Variants in RPS6KC1 observed in about 807,000 individuals in gnomAD.
RPS6KC1 encodes the protein inactive ribosomal protein S6 kinase delta-1.
In RPS6KC1, 54 loss-of-function variants were observed where a neutral mutation model predicts 103.8. That is an observed-to-expected ratio of 0.52 (90% confidence interval 0.42 to 0.65). The LOEUF (loss-of-function observed/expected upper bound fraction) is 0.65. RPS6KC1 is among the 30% of genes least tolerant of loss of function. The pLI is 0.00. For missense variants in RPS6KC1, 1,151 were observed against 1,253.8 expected (o/e 0.92, Z 1.24); for synonymous variants, 439 against 438.7 (o/e 1.00, Z -0.01).
At chr1:213,233,649 C>T (rs1297010793) in intron 10 of RPS6KC1, among the ~76,000 whole-genome samples, 3 of 152,132 alleles carry the variant, frequency 2.0e-5, no homozygotes, top group Non-Finnish European at 4.4e-5. Flanking sequence ...CTACCATCTT[C>T]TCACCATCCC....
At chr1:213,621,257 TCAGAAACA>T in the RPS6KC1 span, among the ~76,000 whole-genome samples, 1 of 152,130 alleles carries the variant, frequency 6.6e-6, no homozygotes, top group Admixed American at 6.6e-5. Context: ...GTCAGAAATG[TCAGAAACA>T]CGCGTAGAAG....
the RPS6KC1 span, among the ~76,000 whole-genome samples, chr1:213,492,807 C>G: frequency 2.0e-5 from 3 of 152,326 alleles, no homozygotes; most frequent in East Asian, 1.9e-4. Context: ...CCTTGGAATG[C>G]TGTGTGGGAA....
intron 6 of RPS6KC1, among the ~76,000 whole-genome samples, chr1:213,167,489 C>CACACACACGCACACAA (rs141541042): frequency 7.9e-6 from 1 of 126,180 alleles, no homozygotes; most frequent in Admixed American, 7.6e-5. Context: ...CACACACACA[C>CACACACACGCACACAA]AACAGCTGTT....
intron 12 of RPS6KC1, among the ~76,000 whole-genome samples, chr1:213,258,130 C>T (rs903883696): frequency 1.4e-4 from 21 of 152,124 alleles, no homozygotes; most frequent in African/African-American, 3.4e-4. Flanking sequence ...TACAGATGCG[C>T]GCCACTACGC....
At chr1:213,311,620 T>C in the RPS6KC1 span, among the ~76,000 whole-genome samples, 4 of 152,008 alleles carry the variant, frequency 2.6e-5, no homozygotes, top group Admixed American at 2.0e-4. Flanking sequence ...GGTGTCTACA[T>C]GTTGGGGGTG....
chr1:213,715,697 G>T, the RPS6KC1 span, among the ~76,000 whole-genome samples: 1 of 152,208 alleles, frequency 6.6e-6, no homozygotes, highest in African/African-American at 2.4e-5. Flanking sequence ...AACCAGCCTG[G>T]ATCCCAGTAA....
intron 12 of RPS6KC1, among the ~76,000 whole-genome samples, chr1:213,252,093 T>C (rs2094556011): frequency 6.6e-6 from 1 of 152,256 alleles, no homozygotes; most frequent in Non-Finnish European, 1.5e-5. Context: ...CTTCTGTGTT[T>C]CTTTCTCTTT....
At chr1:213,179,299 C>A (rs888170808) in intron 8 of RPS6KC1, among the ~76,000 whole-genome samples, 3 of 151,362 alleles carry the variant, frequency 2.0e-5, no homozygotes, top group Non-Finnish European at 4.4e-5. Flanking sequence ...CCTGTAATCC[C>A]AGCTACTCGG....
At chr1:213,357,640 C>G in the RPS6KC1 span, among the ~76,000 whole-genome samples, 3 of 152,242 alleles carry the variant, frequency 2.0e-5, no homozygotes, top group African/African-American at 7.2e-5. Context: ...GTGGTCCTCT[C>G]ACTAGGGCCA....
At chr1:213,589,938 GGT>G in the RPS6KC1 span, among the ~76,000 whole-genome samples, 14,179 of 132,528 alleles carry the variant, frequency 0.11, 642 homozygotes, top group African/African-American at 0.14. Flanking sequence ...AAAAGGTAGT[GGT>G]GTGTGTGTGT....
the RPS6KC1 span, among the ~76,000 whole-genome samples, chr1:213,447,583 T>C: frequency 2.0e-5 from 3 of 152,352 alleles, 1 homozygote; most frequent in Admixed American, 6.5e-5. Flanking sequence ...AAATCCTCCA[T>C]AACTACATAT....
the RPS6KC1 span, among the ~76,000 whole-genome samples, chr1:213,352,734 T>C: frequency 6.6e-6 from 1 of 152,212 alleles, no homozygotes; most frequent in South Asian, 2.1e-4. Flanking sequence ...CTCCCTATGA[T>C]TGATCTATGA....
chr1:213,183,766 C>T (rs867337555), intron 8 of RPS6KC1, among the ~76,000 whole-genome samples: 16 of 151,890 alleles, frequency 1.1e-4, no homozygotes, highest in Middle Eastern at 3.4e-3. Context: ...CTAAAGCAAG[C>T]AGGAGGAATG....
chr1:213,151,839 C>T (rs866211412), intron 6 of RPS6KC1, among the ~76,000 whole-genome samples: 1 of 131,652 alleles, frequency 7.6e-6, no homozygotes, highest in Admixed American at 7.0e-5. Context: ...GCTGACCCCC[C>T]CACCTCCCTC....
chr1:213,845,420 T>C, the RPS6KC1 span, among the ~76,000 whole-genome samples: 1 of 152,192 alleles, frequency 6.6e-6, no homozygotes, highest in Admixed American at 6.5e-5. Flanking sequence ...CTGTTAACTT[T>C]GATTTGGGTC....
chr1:213,457,964 A>G, the RPS6KC1 span, among the ~76,000 whole-genome samples: 2 of 152,248 alleles, frequency 1.3e-5, no homozygotes, highest in Non-Finnish European at 2.9e-5. Context: ...TTTTTATAGC[A>G]GTAAGTGTAC....
At chr1:213,350,030 G>T in the RPS6KC1 span, among the ~76,000 whole-genome samples, 3 of 152,116 alleles carry the variant, frequency 2.0e-5, no homozygotes, top group African/African-American at 7.2e-5. Context: ...GTCCCTAGGG[G>T]TTTGGAAACT....
intron 8 of RPS6KC1, among the ~76,000 whole-genome samples, chr1:213,216,225 A>C (rs2093655417): frequency 6.6e-6 from 1 of 152,224 alleles, no homozygotes; most frequent in Admixed American, 6.5e-5. Context: ...AGGTGTTGCA[A>C]TCCTAGTCTC....
At chr1:213,684,947 A>G in the RPS6KC1 span, among the ~76,000 whole-genome samples, 3 of 152,258 alleles carry the variant, frequency 2.0e-5, no homozygotes, top group Non-Finnish European at 4.4e-5. Flanking sequence ...GCCTGAAGCC[A>G]GTTTGAGCCA....
Sources: gnomAD v4.1 joint callset for allele counts (sites outside exome capture counted in the v4.1 genomes callset) on GRCh38, gnomAD v4.1.1 for gene constraint, MANE v1.5 for transcripts, NCBI Gene and HGNC (gene_info 2026-07-23, HGNC 2026-07-21) for gene names.